CD46: variants seen among roughly 807,000 people sequenced by gnomAD.
The protein encoded by CD46 is membrane cofactor protein.
CD46 carries 30 observed loss-of-function variants against 53.3 expected under a neutral mutation model. The observed-to-expected ratio is 0.56, with a 90% CI of 0.42 to 0.76. The LOEUF (loss-of-function observed/expected upper bound fraction) is 0.76, where lower values mean the gene tolerates loss of function less well. Among genes scored for constraint, CD46 ranks in the 30% least tolerant of loss-of-function variants. CD46 has a pLI of 0.00. For synonymous variants in CD46, 142 were observed against 152.0 expected, an observed-to-expected ratio of 0.93 and a Z score of 0.48; for missense variants, 409 against 463.0, an observed-to-expected ratio of 0.88 and a Z score of 1.07.
intron 8 of CD46, among the ~76,000 whole-genome samples, chr1:207,780,527 T>C (rs1363523075): frequency 6.6e-6 from 1 of 152,202 alleles, no homozygotes; most frequent in African/African-American, 2.4e-5. Flanking sequence ...TGTACACATA[T>C]CTGTTTGAGT....
intron 5 of CD46, among the ~76,000 whole-genome samples, chr1:207,761,965 G>T (rs1166136810): frequency 1.3e-5 from 2 of 152,122 alleles, no homozygotes; most frequent in African/African-American, 2.4e-5. Flanking sequence ...GAATAACAGT[G>T]ATTTAAAAGT....
intron 1 of CD46, among the ~76,000 whole-genome samples, chr1:207,754,517 C>T (rs1301501895): frequency 6.6e-6 from 1 of 152,168 alleles, no homozygotes; most frequent in East Asian, 1.9e-4. Flanking sequence ...TGTCTTGTCG[C>T]ACTTGTGGTT....
chr1:207,780,756 C>G (rs897835632), intron 8 of CD46, among the ~76,000 whole-genome samples: 1 of 152,090 alleles, frequency 6.6e-6, no homozygotes, highest in African/African-American at 2.4e-5. Context: ...AGCCAAGTGT[C>G]TTAGTCTGTT....
intron 11 of CD46, among the ~76,000 whole-genome samples, chr1:207,786,405 A>G (rs966487632): frequency 6.6e-6 from 1 of 152,210 alleles, no homozygotes; most frequent in African/African-American, 2.4e-5. Flanking sequence ...ATGTACAAGT[A>G]CATATCTTCT....
chr1:207,783,413 A>G, intron 9 of CD46, 83 bp downstream of exon 9: 3 of 814,660 alleles, frequency 3.7e-6, no homozygotes, highest in East Asian at 4.9e-5. Flanking sequence ...GTGCCCAAAC[A>G]TAGGATCCTT....
At chr1:207,769,661 A>T (rs1414266307) in intron 7 of CD46, 2 of 152,346 alleles carry the variant, frequency 1.3e-5, no homozygotes, top group Non-Finnish European at 2.9e-5. Flanking sequence ...TAACAAGAAG[A>T]AAAGTTGAGG....
In CD46 at chr1:207,767,443, T is replaced by G. The variant is rs756626554; in HGVS notation, c.856+248T>G. On this transcript the variant is annotated intron_variant, in intron 6 of 12. Transcript: ENST00000367042. Reference sequence around the variant, plus strand: ...ACGTTATGTACATTGCATGGGTATATGCTTTTAATATTTTTATGTATAAAA... The same window carrying G: ...ACGTTATGTACATTGCATGGGTATAGGCTTTTAATATTTTTATGTATAAAA... 4.0e-6 allele frequency: 3 copies of G among 742,864 alleles called. No homozygotes were observed. In the Admixed American group the frequency reaches 6.4e-5, roughly 16 times the overall value. 46.0% of individuals were successfully genotyped at this position (742,864 alleles called of 1,614,324 possible).
chr1:207,777,406 A>C (rs1264701303), intron 8 of CD46, among the ~76,000 whole-genome samples: 2 of 151,974 alleles, frequency 1.3e-5, no homozygotes, highest in African/African-American at 4.8e-5. Flanking sequence ...TGTCACAGGG[A>C]TTTGTTGTAC....
intron 8 of CD46, among the ~76,000 whole-genome samples, chr1:207,777,162 T>G (rs957538475): frequency 6.6e-5 from 10 of 152,180 alleles, no homozygotes; most frequent in Non-Finnish European, 2.9e-5. Flanking sequence ...TAGATTACTT[T>G]TTATAACTTT....
rs1163376440 is a variant in CD46 at position 207,779,911 on chromosome 1, G to GTTTTTTTTTTTTTTT, written c.944-3380_944-3379insTTTTTTTTTTTTTTT. ...TCTTCTATTCTTGTAGCAAAAGCAA[G>GTTTTTTTTTTTTTTT]TCTTTTTTTTTTTTTTTTTTTACTG... is the stretch of plus-strand genomic sequence containing the variant. On this transcript the variant is annotated intron_variant, in intron 8 of 12. Transcript: ENST00000367042. Among the ~76,000 whole-genome samples, 146 of 25,564 alleles carry GTTTTTTTTTTTTTTT rather than the reference G, an allele frequency of 5.7e-3. 1 individual carries two copies. The highest frequency in any genetic ancestry group is 0.033 in the Middle Eastern group (1 of 30). The allele number at this position is 25,564 out of a possible 152,430, so 16.8% of individuals were successfully genotyped here. A position where few individuals can be genotyped will look rare whatever the true frequency, so the allele number is the denominator to read the frequency against.
chr1:207,752,120 C>T lies in CD46; in HGVS notation c.-93C>T, dbSNP rs574184925. ...TTTGTGAGTTGGGGATTGTTGCGTC[C>T]CATATCTGGACCCAGAAGGGACTTC... On this transcript the variant is annotated 5_prime_UTR_variant, in exon 1 of 13. Transcript: ENST00000367042. The surrounding 1 kb of genome is among the most constrained non-coding windows in gnomAD (Gnocchi z 4.1). 110 of 1,155,288 alleles carry T rather than the reference C, an allele frequency of 9.5e-5. 2 individuals carry two copies. The South Asian group carries it at 1.3e-3, about 13-fold the overall frequency. The allele number at this position is 1,155,288 out of a possible 1,614,324, so 71.6% of individuals were successfully genotyped here.
chr1:207,753,774 GTTTC>G (rs1280315306), intron 1 of CD46, among the ~76,000 whole-genome samples: 8 of 152,186 alleles, frequency 5.3e-5, no homozygotes, highest in Non-Finnish European at 1.0e-4. Context: ...TGGCATATTT[GTTTC>G]TGCCTTCATG....
At chr1:207,770,284 C>T (rs753342812) in intron 7 of CD46, 37 bp from the exon 8 acceptor site, 9 of 1,433,288 alleles carry the variant, frequency 6.3e-6, no homozygotes, top group Non-Finnish European at 7.9e-6. Flanking sequence ...ATTGATAAGG[C>T]CCTGGTGAAT....
intron 8 of CD46, among the ~76,000 whole-genome samples, chr1:207,775,966 C>A (rs1218806665): frequency 1.3e-5 from 2 of 152,190 alleles, no homozygotes; most frequent in Admixed American, 6.5e-5. Context: ...TGCCCTGCCC[C>A]CAGAGGTGGA....
chr1:207,785,562 G>T lies in CD46; in HGVS notation c.1019-57G>T, dbSNP rs1235600751. On this transcript the variant is annotated intron_variant, in intron 10 of 12. Coordinates refer to ENST00000367042, the MANE Select transcript of CD46 (RefSeq NM_172351.3). ...ACATTTATTTCTTCTGCTAGATGTT[G>T]AATCTTGGTGATTAGTTTTCAGAAT... 8.4e-6 allele frequency: 10 copies of T among 1,191,718 alleles called. No individual in the cohort carries two copies. The East Asian group carries it at 1.9e-4, about 22-fold the overall frequency. The allele number at this position is 1,191,718 out of a possible 1,614,324, so 73.8% of individuals were successfully genotyped here.
chr1:207,758,015 C>A (rs1052776255), intron 3 of CD46, among the ~76,000 whole-genome samples: 2 of 152,114 alleles, frequency 1.3e-5, no homozygotes, highest in Admixed American at 6.5e-5. Flanking sequence ...CACTTGTATC[C>A]AGATGACTCT....
chr1:207,768,077 A>G (rs1236978007), intron 7 of CD46: 3 of 416,484 alleles, frequency 7.2e-6, no homozygotes, highest in South Asian at 2.6e-5. Flanking sequence ...TTTACATTAT[A>G]TATAGAGAAA....
chr1:207,785,732 C>T (rs1558078675), intron 11 of CD46, 50 bp downstream of exon 11: 1 of 1,166,714 alleles, frequency 8.6e-7, no homozygotes, highest in Non-Finnish European at 1.3e-6. Context: ...TTATACTTAA[C>T]ATGCTTTTGT....
chr1:207,783,159 G>A lies in CD46; in HGVS notation c.944-133G>A, dbSNP rs1571677945. ...TGAGAAACATTAATATAGTTTATAA[G>A]GAAAATTATATTTTAAGGGATTTTC... On this transcript the variant is annotated intron_variant, in intron 8 of 12. Coordinates refer to ENST00000367042, the MANE Select transcript of CD46 (RefSeq NM_172351.3). 5.9e-5 allele frequency: 31 copies of A among 523,392 alleles called. No homozygotes were observed. In the South Asian group the frequency reaches 7.0e-4, roughly 12 times the overall value. The allele number at this position is 523,392 out of a possible 1,614,324, so 32.4% of individuals were successfully genotyped here.
Sources: allele counts gnomAD v4.1 joint callset (sites outside exome capture counted in the v4.1 genomes callset), GRCh38; gene constraint gnomAD v4.1.1; non-coding constraint Gnocchi (gnomAD v3.1); transcripts MANE v1.5; gene names NCBI Gene and HGNC (gene_info 2026-07-23, HGNC 2026-07-21).